The following ATRNL1 variants were observed in gnomAD, a reference collection of about 807,000 sequenced individuals.
ATRNL1 encodes the protein attractin like 1.
In ATRNL1, 95 loss-of-function variants were observed where a neutral mutation model predicts 182.7. That is an observed-to-expected ratio of 0.52 (90% confidence interval 0.44 to 0.62). The LOEUF is 0.62. ATRNL1 is among the 20% of genes least tolerant of loss of function. The pLI, the probability that ATRNL1 is intolerant of heterozygous loss-of-function variation, is 0.00. For missense variants in ATRNL1, 1,471 were observed against 1,679.5 expected, an observed-to-expected ratio of 0.88 and a Z score of 2.17; for synonymous variants, 576 against 568.3, an observed-to-expected ratio of 1.01 and a Z score of -0.19.
intron 27 of ATRNL1, among the ~76,000 whole-genome samples, chr10:115,793,731 A>G (rs1042532306): frequency 6.6e-6 from 1 of 152,142 alleles, no homozygotes; most frequent in African/African-American, 2.4e-5. Flanking sequence ...CCTTGGACCA[A>G]TAGAAACTGA....
intron 28 of ATRNL1, among the ~76,000 whole-genome samples, chr10:115,930,486 C>T (rs1374620436): frequency 1.3e-5 from 2 of 152,146 alleles, no homozygotes; most frequent in Non-Finnish European, 2.9e-5. Flanking sequence ...GTCCAACAGC[C>T]AGGCAATTCA....
chr10:115,745,762 G>A (rs2960647), intron 27 of ATRNL1, among the ~76,000 whole-genome samples: 144,658 of 152,230 alleles, frequency 0.95, 69,147 homozygotes, highest in East Asian at 1. Context: ...TTGAAGAGAC[G>A]TAAATTAATT....
Position 115,511,652 on chromosome 10 carries a change from A to G in ATRNL1, c.3655-7611A>G, listed in dbSNP as rs1850392761. On this transcript the variant is annotated intron_variant, in intron 24 of 28. Transcript: ENST00000355044. ...GACATTTTGTAGTAAATATCAAGCTATTAATCTACTTCTCTGTCCAAATGC... is the reference window on the plus strand; with the variant it reads ...GACATTTTGTAGTAAATATCAAGCTGTTAATCTACTTCTCTGTCCAAATGC... 1.3e-5 allele frequency among the ~76,000 whole-genome samples: 2 copies of G among 151,958 alleles called. 1 individual carries two copies. The highest frequency in any genetic ancestry group is 2.9e-5 in the Non-Finnish European group (2 of 67,880).
rs553668583 is a variant in ATRNL1 at position 115,876,724 on chromosome 10, G to T, written c.4018+28733G>T. Among the ~76,000 whole-genome samples, 248 of 152,304 alleles carry T rather than the reference G, an allele frequency of 1.6e-3. 10 individuals are homozygous for T. In the South Asian group the frequency reaches 0.049, roughly 30 times the overall value. On this transcript the variant is annotated intron_variant, in intron 28 of 28. Coordinates refer to ENST00000355044, the MANE Select transcript of ATRNL1 (RefSeq NM_207303.4). Reference sequence around the variant, plus strand: ...CCATAGTTAATTCATTGCTAAGGTCGTGTACATTGAAAAATAATTTTAAAG... The same window carrying T: ...CCATAGTTAATTCATTGCTAAGGTCTTGTACATTGAAAAATAATTTTAAAG...
At chr10:115,274,058 T>C (rs1235223265) in intron 13 of ATRNL1, among the ~76,000 whole-genome samples, 2 of 152,192 alleles carry the variant, frequency 1.3e-5, no homozygotes, top group Non-Finnish European at 2.9e-5. Flanking sequence ...ATAGTAGTTA[T>C]CTGCAGAGGA....
chr10:115,154,643 T>C (rs1554881629), intron 5 of ATRNL1, among the ~76,000 whole-genome samples: 2 of 152,162 alleles, frequency 1.3e-5, no homozygotes, highest in African/African-American at 4.8e-5. Flanking sequence ...TTTTATGTGC[T>C]GATGAGAAGA....
At chr10:115,764,701 C>T (rs1156617525) in intron 27 of ATRNL1, among the ~76,000 whole-genome samples, 1 of 152,034 alleles carries the variant, frequency 6.6e-6, no homozygotes, top group African/African-American at 2.4e-5. Context: ...GAGATGGAGT[C>T]TCACTCTGTT....
intron 20 of ATRNL1, among the ~76,000 whole-genome samples, chr10:115,404,393 C>T (rs1319618165): frequency 6.6e-6 from 1 of 152,196 alleles, no homozygotes; most frequent in African/African-American, 2.4e-5. Context: ...TCTTAAAAAC[C>T]TCATGTGCCA....
At chr10:115,890,056 T>C (rs1373489762) in intron 28 of ATRNL1, among the ~76,000 whole-genome samples, 7 of 152,356 alleles carry the variant, frequency 4.6e-5, no homozygotes, top group African/African-American at 1.7e-4. Flanking sequence ...TATACTCATA[T>C]ATGTTTGCAC....
At position 115,306,970 on chromosome 10, in the gene ATRNL1, G is replaced by A. The variant is rs186582486; in HGVS notation, c.2818+4927G>A. Among the ~76,000 whole-genome samples the A allele has an allele frequency of 3.0e-4, 45 of 152,022 alleles. 1 individual carries two copies. In the East Asian group the frequency reaches 5.0e-3, roughly 17 times the overall value. On this transcript the variant is annotated intron_variant, in intron 17 of 28. Coordinates refer to ENST00000355044, the MANE Select transcript of ATRNL1 (RefSeq NM_207303.4). ...AATCAAATAATGATAACTAAATACC[G>A]CTGGTGGGATTGTCAGCTAGGCAAG...
chr10:115,177,061 G>A (rs1392883230), intron 8 of ATRNL1, among the ~76,000 whole-genome samples: 1 of 152,122 alleles, frequency 6.6e-6, no homozygotes, highest in Non-Finnish European at 1.5e-5. Flanking sequence ...ATAATAAGAG[G>A]TAGGGGAGAA....
intron 9 of ATRNL1, among the ~76,000 whole-genome samples, chr10:115,230,870 T>C (rs1412765309): frequency 1.2e-5 from 1 of 83,718 alleles, no homozygotes; most frequent in Non-Finnish European, 2.2e-5. Context: ...ATAGAGTGGA[T>C]GAGAGAGAGA....
chr10:115,143,118 G>A (rs1554878442), intron 5 of ATRNL1, among the ~76,000 whole-genome samples: 3 of 152,156 alleles, frequency 2.0e-5, no homozygotes, highest in Admixed American at 6.5e-5. Flanking sequence ...GAAATTGGAT[G>A]AGATTACCAG....
At chr10:115,932,648 G>T (rs1953436437) in intron 28 of ATRNL1, among the ~76,000 whole-genome samples, 1 of 152,046 alleles carries the variant, frequency 6.6e-6, no homozygotes, top group Admixed American at 6.6e-5. Context: ...TACCAATGGA[G>T]TTTGTTAAAA....
intron 5 of ATRNL1, among the ~76,000 whole-genome samples, chr10:115,135,902 C>CAG (rs1845489293): frequency 6.8e-6 from 1 of 147,776 alleles, no homozygotes; most frequent in African/African-American, 2.5e-5. Flanking sequence ...CTCTGTGGCT[C>CAG]AGGCTAGAGT....
At chr10:115,385,614 C>T (rs182240744) in intron 19 of ATRNL1, among the ~76,000 whole-genome samples, 159 of 152,042 alleles carry the variant, frequency 1.0e-3, no homozygotes, top group African/African-American at 3.3e-3. Flanking sequence ...TTTTGTATCA[C>T]GTACGTGAAA....
At chr10:115,688,257 C>T (rs143052686) in intron 26 of ATRNL1, among the ~76,000 whole-genome samples, 77 of 152,158 alleles carry the variant, frequency 5.1e-4, no homozygotes, top group Non-Finnish European at 9.3e-4. Flanking sequence ...TTTGCTATCA[C>T]GAACATTGCT....
intron 19 of ATRNL1, among the ~76,000 whole-genome samples, chr10:115,363,182 GT>G (rs1856839520): frequency 6.7e-6 from 1 of 149,804 alleles, no homozygotes; most frequent in African/African-American, 2.5e-5. Context: ...TCCAGCACCT[GT>G]TGTTTCCTGA....
chr10:115,462,458 A>G (rs1554969929), intron 22 of ATRNL1, among the ~76,000 whole-genome samples: 5 of 151,982 alleles, frequency 3.3e-5, no homozygotes, highest in African/African-American at 1.2e-4. Context: ...CTAAAAATAC[A>G]AAAATTAGCT....
Sources: allele counts gnomAD v4.1 joint callset (sites outside exome capture counted in the v4.1 genomes callset), GRCh38; gene constraint gnomAD v4.1.1; transcripts MANE v1.5; gene names NCBI Gene and HGNC (gene_info 2026-07-23, HGNC 2026-07-21).